Variants in PRKD1 observed in about 807,000 individuals in gnomAD.
PRKD1 encodes protein kinase D1, also known as serine/threonine-protein kinase D1.
Under a neutral mutation model 95.9 loss-of-function variants are expected in PRKD1, and 63 were observed. That is an observed-to-expected ratio of 0.66 (90% CI 0.54 to 0.81). The LOEUF is 0.81. Among genes scored for constraint, PRKD1 ranks in the 30% least tolerant of loss-of-function variants. The probability of loss-of-function intolerance (pLI) is 0.00; values close to 1 mark genes in which losing one functional copy is unlikely to be tolerated. For missense variants in PRKD1, 1,048 were observed against 1,165.3 expected (o/e 0.90, Z 1.47); for synonymous variants, 425 against 423.1 (o/e 1.00, Z -0.05).
chr14:29,813,577 G>A (rs989102740), intron 1 of PRKD1, among the ~76,000 whole-genome samples: 1 of 152,066 alleles, frequency 6.6e-6, no homozygotes, highest in Non-Finnish European at 1.5e-5. Flanking sequence ...AATCTGCAGG[G>A]CCACAGAGAC....
intron 6 of PRKD1, 96 bp downstream of exon 6, chr14:29,638,393 G>GAACCAA (rs1253042714): frequency 1.5e-6 from 2 of 1,339,150 alleles, no homozygotes; most frequent in East Asian, 2.3e-5. Context: ...TGAAATATCT[G>GAACCAA]AACCAAAACC....
At chr14:29,653,208 T>C (rs968463168) in intron 4 of PRKD1, among the ~76,000 whole-genome samples, 16 of 152,138 alleles carry the variant, frequency 1.1e-4, no homozygotes, top group African/African-American at 3.9e-4. Context: ...ATTGTCCGGA[T>C]TGCATAAAAT....
chr14:29,916,563 T>C lies in PRKD1; in HGVS notation c.264+10686A>G, dbSNP rs149969643. 9.2e-3 allele frequency among the ~76,000 whole-genome samples: 1,401 copies of C among 152,312 alleles called. 13 individuals carry two copies. The highest frequency in any genetic ancestry group is 0.032 in the African/African-American group (1,345 of 41,540). On this transcript the variant is annotated intron_variant, in intron 1 of 17. Coordinates refer to ENST00000331968, the MANE Select transcript of PRKD1 (RefSeq NM_002742.3). ...AAGCTACGGCTGTTTGGTCAAGTGGTCATAACCTCTAGTGTTACTGTTCTG... is the reference window on the plus strand; with the variant it reads ...AAGCTACGGCTGTTTGGTCAAGTGGCCATAACCTCTAGTGTTACTGTTCTG...
intron 1 of PRKD1, among the ~76,000 whole-genome samples, chr14:29,914,777 C>CTTTTCTTTTCT (rs562742263): frequency 0.01 from 1,489 of 144,336 alleles, 24 homozygotes; most frequent in African/African-American, 0.035. Flanking sequence ...CTTTTCTTTT[C>CTTTTCTTTTCT]TTTTTTTTTT....
intron 2 of PRKD1, among the ~76,000 whole-genome samples, chr14:29,714,196 T>G (rs1273621392): frequency 1.3e-5 from 2 of 152,152 alleles, no homozygotes; most frequent in Non-Finnish European, 2.9e-5. Context: ...TTTGGGGTAC[T>G]AAGGTATGAG....
rs1425147156 is a variant in PRKD1, at chr14:29,636,419, C to A, written c.1061G>T (p.Ser354Ile). 1.9e-6 allele frequency: 3 copies of A among 1,614,180 alleles called. No individual in the cohort carries two copies. Among genetic ancestry groups the A allele is most frequent in the Non-Finnish European group, 1.7e-6 (2 of 1,180,040 alleles). Residue 354 changes from serine to isoleucine, a missense_variant, in exon 7 of 18, where the codon AGT (serine) becomes ATT (isoleucine). This residue lies in a region of PRKD1 where 739 missense variants were observed against 861.9 expected (regional missense o/e 0.86). Transcript: ENST00000331968. ...GSDDNDSERNSGLMDDMEEAM... is the reference protein window; with the variant it reads ...GSDDNDSERNIGLMDDMEEAM... ...TTCTTCCATATCATCCATGAGCCCA[C>A]TGTTCCTTTCACTATCATTGTCATC...
intron 1 of PRKD1, among the ~76,000 whole-genome samples, chr14:29,832,553 T>G (rs1255409577): frequency 1.3e-5 from 2 of 152,108 alleles, no homozygotes; most frequent in African/African-American, 4.8e-5. Flanking sequence ...TTTTCTTATT[T>G]AGCTCAATAA....
At chr14:29,873,240 C>T (rs931545020) in intron 1 of PRKD1, among the ~76,000 whole-genome samples, 8 of 152,144 alleles carry the variant, frequency 5.3e-5, no homozygotes, top group Admixed American at 2.0e-4. Context: ...TGCCCGCCAA[C>T]ACACCTGGCT....
At chr14:29,725,387 C>T (rs1459713394) in intron 2 of PRKD1, 149 bp downstream of exon 2, 1 of 954,510 alleles carries the variant, frequency 1.0e-6, no homozygotes, top group Non-Finnish European at 1.5e-6. Context: ...CCTTTTGTTT[C>T]CCTTTTTCAT....
At position 29,578,293 on chromosome 14, in the gene PRKD1, C is replaced by T; in HGVS notation, c.2502G>A (p.Leu834=). The T allele has an allele frequency of 6.2e-7, 1 of 1,608,354 alleles. No individual in the cohort carries two copies. Among genetic ancestry groups the T allele is most frequent in the South Asian group, 1.1e-5 (1 of 89,364 alleles). The change falls in exon 17 of 18, where the codon TTG becomes TTA. Residue 834 remains leucine (L), a synonymous_variant. Transcript: ENST00000331968. The stretch of plus-strand genomic sequence containing the variant: ...TGTTTACCTGTAGCCAAGGGTGGCT[C>T]AAGGTCTTATCCACACTGTAGCGCT... ...MRKRYSVDKT[L]SHPWLQDYQT...
intron 4 of PRKD1, among the ~76,000 whole-genome samples, chr14:29,650,759 C>T (rs1474742958): frequency 6.6e-6 from 1 of 152,176 alleles, no homozygotes; most frequent in South Asian, 2.1e-4. Context: ...ATTCAGCTTA[C>T]ATCTTGGGAA....
chr14:29,802,037 G>C (rs1890055185), intron 1 of PRKD1, among the ~76,000 whole-genome samples: 1 of 152,054 alleles, frequency 6.6e-6, no homozygotes, highest in African/African-American at 2.4e-5. Flanking sequence ...TACATTCCTG[G>C]CAAATAGTAT....
At chr14:29,815,622 T>G (rs775586849) in intron 1 of PRKD1, among the ~76,000 whole-genome samples, 2 of 152,252 alleles carry the variant, frequency 1.3e-5, no homozygotes, top group East Asian at 1.9e-4. Flanking sequence ...CCTTTCTGGA[T>G]AGTGGAACAT....
At chr14:29,693,615 T>C (rs1884354222) in intron 2 of PRKD1, among the ~76,000 whole-genome samples, 1 of 140,266 alleles carries the variant, frequency 7.1e-6, no homozygotes, top group Non-Finnish European at 1.5e-5. Context: ...GTAAGCACTT[T>C]ATGACCTCAG....
At chr14:29,739,372 T>G (rs1829763960) in intron 1 of PRKD1, among the ~76,000 whole-genome samples, 1 of 152,236 alleles carries the variant, frequency 6.6e-6, no homozygotes, top group Non-Finnish European at 1.5e-5. Flanking sequence ...CCTCTCTTTT[T>G]TTTTAGCCAC....
At chr14:29,709,685 G>A (rs1307956870) in intron 2 of PRKD1, among the ~76,000 whole-genome samples, 1 of 152,152 alleles carries the variant, frequency 6.6e-6, no homozygotes, top group Non-Finnish European at 1.5e-5. Flanking sequence ...TCTAAAGCAG[G>A]AGAAGGCTGA....
intron 2 of PRKD1, among the ~76,000 whole-genome samples, chr14:29,666,490 A>C (rs937816021): frequency 2.0e-5 from 3 of 152,090 alleles, no homozygotes; most frequent in Non-Finnish European, 2.9e-5. Context: ...CATGAATGAA[A>C]GTATAAGTAC....
At chr14:29,729,754 C>T (rs1189607070) in intron 1 of PRKD1, among the ~76,000 whole-genome samples, 2 of 151,968 alleles carry the variant, frequency 1.3e-5, no homozygotes, top group African/African-American at 4.8e-5. Context: ...TGATTTGAGA[C>T]ATTTGAGACT....
chr14:29,608,613 A>G (rs1395704938), intron 13 of PRKD1, among the ~76,000 whole-genome samples: 1 of 152,118 alleles, frequency 6.6e-6, no homozygotes, highest in Non-Finnish European at 1.5e-5. Context: ...TAACTTACTT[A>G]TGAAGATGTT....
Sources: gnomAD v4.1 joint callset for allele counts (sites outside exome capture counted in the v4.1 genomes callset) on GRCh38, gnomAD v4.1.1 for gene constraint, gnomAD v4.1.1 regional missense constraint, MANE v1.5 for transcripts, NCBI Gene and HGNC (gene_info 2026-07-23, HGNC 2026-07-21) for gene names.